OAS3: variants seen among roughly 807,000 people sequenced by gnomAD.
OAS3 encodes the protein 2'-5'-oligoadenylate synthetase 3.
OAS3 carries 107 observed loss-of-function variants against 113.0 expected under a neutral mutation model. The observed-to-expected ratio is 0.95, with a 90% CI of 0.81 to 1.11. The LOEUF is 1.11. OAS3 is among the 50% of genes most tolerant of loss of function. The pLI is 0.00. For synonymous variants in OAS3, 552 were observed against 573.6 expected, an observed-to-expected ratio of 0.96 and a Z score of 0.54; for missense variants, 1,258 against 1,389.1, an observed-to-expected ratio of 0.91 and a Z score of 1.50.
Position 112,950,892 on chromosome 12 carries a change from C to T in OAS3, c.1574C>T (p.Pro525Leu), listed in dbSNP as rs1197649890. 6.2e-7 allele frequency: 1 copy of T among 1,614,034 alleles called. No individual in the cohort carries two copies. The highest frequency in any genetic ancestry group is 8.5e-7 in the Non-Finnish European group (1 of 1,179,890). ...CTTCAGTTTCCTGAGCAGAATGTGC[C>T]TGAGGCTCTGCAGTTCCAGCTGGTG... is the stretch of plus-strand genomic sequence containing the variant. ...LSLQFPEQNV[P>L]EALQFQLVST... The change falls in exon 7 of 16, where the codon CCT (proline) becomes CTT (leucine). Residue 525 changes from proline (P) to leucine (L), a missense_variant. Physicochemically the swap from Pro to Leu is moderately conservative, Grantham distance 98. Coordinates refer to ENST00000228928, the MANE Select transcript of OAS3 (RefSeq NM_006187.4).
rs376624963 is a variant in OAS3, at chr12:112,951,904, C to T, written c.1657+929C>T. Among the ~76,000 whole-genome samples the T allele has an allele frequency of 3.6e-4, 54 of 150,628 alleles. 3 individuals carry two copies. Among genetic ancestry groups the T allele is most frequent in the South Asian group, 2.5e-3 (12 of 4,770 alleles). On this transcript the variant is annotated intron_variant, in intron 7 of 15. Transcript: ENST00000228928. ...GCACGCACCTGTAATCCCAGCTACTCGGGAGACTGAGGCAGGAAAATCTCT... is the reference window on the plus strand; with the variant it reads ...GCACGCACCTGTAATCCCAGCTACTTGGGAGACTGAGGCAGGAAAATCTCT...
chr12:112,962,640 T>C lies in OAS3; in HGVS notation c.1834-12T>C. ...CTAATCACTCATCTTTGGTTGGCCT[T>C]GTGTGACACAGGTTGCGGCTCAGAA... is the stretch of plus-strand genomic sequence containing the variant. On this transcript the variant is annotated splice_polypyrimidine_tract_variant and intron_variant, in intron 8 of 15. Coordinates refer to ENST00000228928, the MANE Select transcript of OAS3 (RefSeq NM_006187.4). The C allele has an allele frequency of 1.2e-6, 2 of 1,610,968 alleles. No individual in the cohort carries two copies. Among genetic ancestry groups the C allele is most frequent in the Non-Finnish European group, 1.7e-6 (2 of 1,177,354 alleles).
rs2043930016 is a variant in OAS3, at chr12:112,965,985, A to G, written c.2645A>G (p.Asp882Gly). 1 of 1,613,926 alleles carries G rather than the reference A, an allele frequency of 6.2e-7. No homozygotes were observed. Among genetic ancestry groups the G allele is most frequent in the Non-Finnish European group, 8.5e-7 (1 of 1,179,910 alleles). Residue 882 changes from aspartate to glycine, a missense_variant, in exon 12 of 16, where the codon GAC becomes GGC. Asp to Gly is a moderately conservative substitution (Grantham distance 94). Transcript: ENST00000228928. ...SFSLTSQTML[D>G]QSVDFDVLPA... ...TCACTGACATCCCAGACGATGCTGG[A>G]CCAGAGTGTGGACTTTGATGTGCTG...
In OAS3 at chr12:112,954,503, A is replaced by G. The variant is rs1430505492; in HGVS notation, c.1657+3528A>G. 1.3e-5 allele frequency among the ~76,000 whole-genome samples: 2 copies of G among 152,150 alleles called. No individual in the cohort carries two copies. Among genetic ancestry groups the G allele is most frequent in the Non-Finnish European group, 2.9e-5 (2 of 68,030 alleles). ...GAGACAGACAGGGTTTCACCATGTTAGCCAGGATGGTCTTGATCTCCCGAC... is the reference window on the plus strand; with the variant it reads ...GAGACAGACAGGGTTTCACCATGTTGGCCAGGATGGTCTTGATCTCCCGAC... On this transcript the variant is annotated intron_variant, in intron 7 of 15. Coordinates refer to ENST00000228928, the MANE Select transcript of OAS3 (RefSeq NM_006187.4). The surrounding 1 kb of genome is among the most constrained non-coding windows in gnomAD (Gnocchi z 4.0).
intron 8 of OAS3, among the ~76,000 whole-genome samples, chr12:112,962,297 C>G (rs570426716): frequency 7.2e-5 from 11 of 152,322 alleles, no homozygotes; most frequent in African/African-American, 2.6e-4. Context: ...ACAACCACCC[C>G]ATGTTATGTG....
At chr12:112,947,099 CTACATG>C (rs1229366920) in intron 4 of OAS3, 118 bp downstream of exon 4, 1 of 731,898 alleles carries the variant, frequency 1.4e-6, no homozygotes, top group Non-Finnish European at 2.3e-6. Context: ...AAGCAAAATG[CTACATG>C]TACATGTTTT....
intron 3 of OAS3, chr12:112,944,931 G>A (rs549233615): frequency 2.2e-6 from 1 of 452,418 alleles, no homozygotes; most frequent in Non-Finnish European, 4.1e-6. Flanking sequence ...TTGTTTAAAG[G>A]TTATTTGTAG....
chr12:112,941,012 A>G (rs1322193141), intron 1 of OAS3, among the ~76,000 whole-genome samples: 2 of 152,118 alleles, frequency 1.3e-5, no homozygotes, highest in Non-Finnish European at 2.9e-5. Context: ...CAAAACTAAA[A>G]ATAAAAATAA....
chr12:112,966,101 T>C, intron 12 of OAS3, 72 bp downstream of exon 12: 1 of 1,494,986 alleles, frequency 6.7e-7, no homozygotes, highest in South Asian at 1.2e-5. Context: ...TTGTAGAGGT[T>C]GCACAGTACA....
chr12:112,946,951 A>G lies in OAS3; in HGVS notation c.845A>G (p.Gln282Arg), dbSNP rs376389899. 64 of 1,613,922 alleles carry G rather than the reference A, an allele frequency of 4.0e-5. No homozygotes were observed. Among genetic ancestry groups the G allele is most frequent in the Non-Finnish European group, 5.2e-5 (61 of 1,179,906 alleles). The change falls in exon 4 of 16, where the codon CAG (glutamine) becomes CGG (arginine). Residue 282 changes from glutamine (Q) to arginine (R), a missense_variant. Physicochemically the swap from Gln to Arg is conservative, Grantham distance 43. Coordinates refer to ENST00000228928, the MANE Select transcript of OAS3 (RefSeq NM_006187.4). Reference protein sequence around the residue: ...NYGFEDPAVGQFLQRQLKRPR... With the variant: ...NYGFEDPAVGRFLQRQLKRPR... ...GGCTTCGAGGACCCTGCAGTTGGGC[A>G]GTTCTTGCAGCGGCAGCTTAAGAGA...
chr12:112,951,688 C>T (rs1323196864), intron 7 of OAS3, among the ~76,000 whole-genome samples: 4 of 151,886 alleles, frequency 2.6e-5, no homozygotes, highest in African/African-American at 9.7e-5. Context: ...TTAGATTGCC[C>T]ATGGTTGAAA....
chr12:112,953,143 C>T (rs1243172745), intron 7 of OAS3, among the ~76,000 whole-genome samples: 2 of 151,678 alleles, frequency 1.3e-5, no homozygotes, highest in African/African-American at 4.9e-5. Flanking sequence ...CCCACTCCCC[C>T]CACCCCACGA....
In OAS3 at chr12:112,963,565, T is replaced by C; in HGVS notation, c.2229+108T>C. The C allele has an allele frequency of 8.7e-7, 1 of 1,146,058 alleles. No homozygotes were observed. The highest frequency in any genetic ancestry group is 1.2e-6 in the Non-Finnish European group (1 of 860,988). The allele number at this position is 1,146,058 out of a possible 1,614,324, so 71.0% of individuals were successfully genotyped here. A position where few individuals can be genotyped will look rare whatever the true frequency, so the allele number is the denominator to read the frequency against. On this transcript the variant is annotated intron_variant, in intron 10 of 15. Transcript: ENST00000228928. The surrounding 1 kb of genome is among the most constrained non-coding windows in gnomAD (Gnocchi z 4.6). ...CCCAGCTGCTAGGAGTGTTGGTGGC[T>C]GACAACTCATAGCCACCCCTTCTCT...
rs1363250616 is a variant in OAS3, at chr12:112,970,168, C to G, written c.*195C>G. On this transcript the variant is annotated 3_prime_UTR_variant, in exon 16 of 16. Coordinates refer to ENST00000228928, the MANE Select transcript of OAS3 (RefSeq NM_006187.4). ...CTCTCCCAGCTCACACACTCCCCTG[C>G]CTCCCATGGCTTACACACTAGGATC... 1.5e-6 allele frequency: 1 copy of G among 666,348 alleles called. No individual in the cohort carries two copies. The highest frequency in any genetic ancestry group is 2.7e-5 in the East Asian group (1 of 36,470). 41.3% of individuals were successfully genotyped at this position (666,348 alleles called of 1,614,324 possible).
At chr12:112,945,225 T>A (rs1323415785) in intron 3 of OAS3, 2 of 157,358 alleles carry the variant, frequency 1.3e-5, no homozygotes, top group African/African-American at 5.0e-5. Flanking sequence ...GGCAGGAGAA[T>A]CTCTTGAACC....
At chr12:112,969,906 T>C (rs1479535677) in intron 15 of OAS3, 56 bp from the exon 16 acceptor site, 3 of 1,599,154 alleles carry the variant, frequency 1.9e-6, no homozygotes, top group African/African-American at 2.7e-5. Flanking sequence ...GGCTGTGTGG[T>C]CTCAGCTTCT....
chr12:112,956,210 A>G (rs1304103262), intron 7 of OAS3, among the ~76,000 whole-genome samples: 2 of 151,838 alleles, frequency 1.3e-5, no homozygotes, highest in African/African-American at 4.8e-5. Context: ...TATTGTGTCT[A>G]TTCTATCCTT....
rs771175545 is a variant in OAS3 at position 112,969,725 on chromosome 12, T to G, written c.3222T>G (p.Asn1074Lys). The G allele has an allele frequency of 7.4e-6, 12 of 1,613,350 alleles. No individual in the cohort carries two copies. Among genetic ancestry groups the G allele is most frequent in the Non-Finnish European group, 1.0e-5 (12 of 1,179,734 alleles). ...CTSALCCMGR[N>K]GIPIQPWPVK... ...CTGCCCTGTGCTGCATGGGACGGAA[T>G]GGCATCCCCATCCAGCCATGGCCAG... Residue 1074 changes from asparagine to lysine, a missense_variant, in exon 15 of 16, where the codon AAT (asparagine) becomes AAG (lysine). Transcript: ENST00000228928.
chr12:112,968,755 A>T (rs1427233434), intron 14 of OAS3, among the ~76,000 whole-genome samples: 3 of 56,580 alleles, frequency 5.3e-5, no homozygotes, highest in African/African-American at 4.6e-4. Flanking sequence ...GCCTCAAGTG[A>T]TCGCCTGCCT....
Sources: gnomAD v4.1 joint callset for allele counts (sites outside exome capture counted in the v4.1 genomes callset) on GRCh38, gnomAD v4.1.1 for gene constraint, Gnocchi (gnomAD v3.1) non-coding constraint, MANE v1.5 for transcripts, NCBI Gene and HGNC (gene_info 2026-07-23, HGNC 2026-07-21) for gene names.